The following MYO15B variants were observed in gnomAD, a reference collection of about 807,000 sequenced individuals.
MYO15B encodes myosin XVB pseudogene.
A neutral mutation model predicts 119.3 loss-of-function variants in MYO15B; 207 were observed. That is an observed-to-expected ratio of 1.73 (90% confidence interval 1.55 to 1.95). The LOEUF is 1.95. Among genes scored for constraint, MYO15B ranks in the 30% most tolerant of loss-of-function variants. The probability of loss-of-function intolerance (pLI) is 0.00; values close to 1 mark genes in which losing one functional copy is unlikely to be tolerated. For missense variants in MYO15B, 2,264 were observed against 1,203.1 expected (o/e 1.88, Z -13.04); for synonymous variants, 966 against 498.9 (o/e 1.94, Z -12.48).
At chr17:75,626,378 C>T (rs1458244797) in intron 63 of MYO15B, 29 bp from the exon 64 acceptor site, 1 of 703,010 alleles carries the variant, frequency 1.4e-6, no homozygotes, top group South Asian at 1.5e-5. Context: ...GCTGGGGAGC[C>T]CTCTTGTAAC....
At chr17:75,626,674 C>G (rs377004550) in exon 64 of MYO15B, among the ~76,000 whole-genome samples, 10 of 152,360 alleles carry the variant, frequency 6.6e-5, no homozygotes, top group African/African-American at 2.4e-4. Flanking sequence ...ACAGCCAGAC[C>G]CTCTCCAGGA....
exon 28 of MYO15B, chr17:75,613,313 C>T (rs746806060): frequency 1.5e-6 from 1 of 672,630 alleles, no homozygotes; most frequent in South Asian, 1.5e-5. Flanking sequence ...GACCAGGCCC[C>T]CAGGGGCATG....
rs1026233607 is a variant in MYO15B, at chr17:75,621,419, G to A, written c.7935+11G>A. 2.7e-5 allele frequency: 19 copies of A among 699,638 alleles called. No homozygotes were observed. Among genetic ancestry groups the A allele is most frequent in the Non-Finnish European group, 4.4e-5 (17 of 382,464 alleles). The allele number at this position is 699,638 out of a possible 1,614,324, so 43.3% of individuals were successfully genotyped here. A position where few individuals can be genotyped will look rare whatever the true frequency, so the allele number is the denominator to read the frequency against. On this transcript the variant is annotated intron_variant, in intron 51 of 63. Coordinates refer to ENST00000645453, the Ensembl canonical transcript of MYO15B. ...GTGCAGTACACCAAGGTGGGAGAGAGGCAGGGAGGGGTCTGGCCCGTAGAT... is the reference window on the plus strand; with the variant it reads ...GTGCAGTACACCAAGGTGGGAGAGAAGCAGGGAGGGGTCTGGCCCGTAGAT...
intron 6 of MYO15B, 59 bp downstream of exon 6, chr17:75,592,139 C>T: frequency 1.4e-6 from 1 of 701,716 alleles, no homozygotes; most frequent in Non-Finnish European, 2.6e-6. Context: ...GGTCCTTGGG[C>T]TGCTTCCCTG....
chr17:75,609,485 ATTT>A (rs749247022), intron 21 of MYO15B, among the ~76,000 whole-genome samples: 5 of 77,990 alleles, frequency 6.4e-5, no homozygotes, highest in Non-Finnish European at 2.4e-5. Flanking sequence ...AAGGGAAATG[ATTT>A]TTTTTTTTTT....
intron 3 of MYO15B, 47 bp downstream of exon 3, chr17:75,591,063 C>T: frequency 1.5e-6 from 1 of 676,646 alleles, no homozygotes; most frequent in Non-Finnish European, 2.7e-6. Context: ...CCCAGGCAGC[C>T]CAGTCCCTGC....
In MYO15B at chr17:75,614,368, C is replaced by T. The variant is rs901385407; in HGVS notation, c.5381+8C>T. 1 of 701,586 alleles carries T rather than the reference C, an allele frequency of 1.4e-6. No individual in the cohort carries two copies. The highest frequency in any genetic ancestry group is 2.6e-6 in the Non-Finnish European group (1 of 384,116). 43.5% of individuals were successfully genotyped at this position (701,586 alleles called of 1,614,324 possible). A position where few individuals can be genotyped will look rare whatever the true frequency, so the allele number is the denominator to read the frequency against. On this transcript the variant is annotated splice_region_variant and intron_variant, in intron 30 of 63. Coordinates refer to ENST00000645453, the Ensembl canonical transcript of MYO15B. The stretch of plus-strand genomic sequence containing the variant: ...CATCACTCCTCTTGGCTCGTAGGTG[C>T]CACCCAGCACCCCTCTCCCTGGCCT...
At chr17:75,610,211 C>T (rs2057933275) in exon 22 of MYO15B, 1 of 701,768 alleles carries the variant, frequency 1.4e-6, no homozygotes, top group Non-Finnish European at 2.6e-6. Flanking sequence ...AGCTGAACAC[C>T]ATCCTGCTGG....
chr17:75,620,109 C>T (rs914500668), intron 47 of MYO15B, 89 bp downstream of exon 47: 1 of 666,202 alleles, frequency 1.5e-6, no homozygotes, highest in Admixed American at 2.1e-5. Flanking sequence ...GGGGCAGGGG[C>T]TGGGAGTTTG....
At chr17:75,590,566 A>T (rs1197512764) in intron 1 of MYO15B, 60 bp from the exon 2 acceptor site, 2 of 292,120 alleles carry the variant, frequency 6.8e-6, no homozygotes, top group African/African-American at 4.3e-5. Flanking sequence ...GGGTGGCAGA[A>T]CTAACCCACA....
At position 75,624,277 on chromosome 17, in the gene MYO15B, G is replaced by C. The variant is rs1426850311; in HGVS notation, c.8367+8G>C. ...GAAATGAAGGCTTTCCTGGTACTGG[G>C]GGTGGCGGATGGGCATTGTGGGACA... On this transcript the variant is annotated splice_region_variant and intron_variant, in intron 56 of 63. Coordinates refer to ENST00000645453, the Ensembl canonical transcript of MYO15B. 1.4e-6 allele frequency: 1 copy of C among 702,864 alleles called. No homozygotes were observed. The highest frequency in any genetic ancestry group is 2.6e-6 in the Non-Finnish European group (1 of 384,978). 43.5% of individuals were successfully genotyped at this position (702,864 alleles called of 1,614,324 possible). A position where few individuals can be genotyped will look rare whatever the true frequency, so the allele number is the denominator to read the frequency against.
intron 13 of MYO15B, 58 bp from the exon 14 acceptor site, chr17:75,596,710 A>G (rs989824313): frequency 2.9e-6 from 2 of 678,574 alleles, no homozygotes; most frequent in Middle Eastern, 2.4e-4. Context: ...GTACTATTCT[A>G]TAAGATGGGA....
chr17:75,624,825 AC>A lies in MYO15B; in HGVS notation c.8599del (p.Gln2867ArgfsTer3), dbSNP rs1365747497. ...GAATACCTCAACAGCGTGGTAGTGG[AC>A]CAGGACGTGAGCCTGCACAGCCGGC... On this transcript the variant is annotated frameshift_variant, in exon 59 of 64. Coordinates refer to ENST00000645453, the Ensembl canonical transcript of MYO15B. LOFTEE classifies it high-confidence loss of function. 2 of 702,924 alleles carry A rather than the reference AC, an allele frequency of 2.8e-6. No individual in the cohort carries two copies. The highest frequency in any genetic ancestry group is 5.2e-6 in the Non-Finnish European group (2 of 384,976). The allele number at this position is 702,924 out of a possible 1,614,324, so 43.5% of individuals were successfully genotyped here.
At chr17:75,601,547 G>A in exon 15 of MYO15B, 1 of 703,108 alleles carries the variant, frequency 1.4e-6, no homozygotes, top group Non-Finnish European at 2.6e-6. Flanking sequence ...CATTATGCAG[G>A]GACTGTCACC....
rs567994025 is a variant in MYO15B, at chr17:75,624,614, C to T, written c.8517C>T (p.Phe2839=). The change falls in exon 58 of 64, where the codon TTC becomes TTT. Residue 2839 remains phenylalanine (F), a synonymous_variant. Transcript: ENST00000645453. Reference sequence around the variant, plus strand: ...CGGAGCCTCAGGAAGTGCAGGAATTCGCCCTCTTCCTCATCAAAGAGAAGA... The same window carrying T: ...CGGAGCCTCAGGAAGTGCAGGAATTTGCCCTCTTCCTCATCAAAGAGAAGA... 83 of 702,958 alleles carry T rather than the reference C, an allele frequency of 1.2e-4. 1 individual carries two copies. Among genetic ancestry groups the T allele is most frequent in the South Asian group, 3.6e-4 (24 of 67,594 alleles). The allele number at this position is 702,958 out of a possible 1,614,324, so 43.5% of individuals were successfully genotyped here. A position where few individuals can be genotyped will look rare whatever the true frequency, so the allele number is the denominator to read the frequency against.
chr17:75,590,175 C>T, exon 1 of MYO15B: 1 of 399,090 alleles, frequency 2.5e-6, no homozygotes, highest in Non-Finnish European at 4.4e-6. Flanking sequence ...AGGCGCCACC[C>T]TTCCCCGGTG....
chr17:75,625,751 C>T, intron 61 of MYO15B, 91 bp downstream of exon 61: 4 of 701,122 alleles, frequency 5.7e-6, no homozygotes, highest in East Asian at 5.4e-5. Flanking sequence ...TCTGCGCCTG[C>T]CCTGTCCCTC....
rs111751691 is a variant in MYO15B at position 75,606,849 on chromosome 17, T to C, written c.4292+828T>C. Reference sequence around the variant, plus strand: ...CCCAGCCCAATTTAGGCCAGACTTTTACCCTGCAGTGACTTTAGACTTCTC... The same window carrying C: ...CCCAGCCCAATTTAGGCCAGACTTTCACCCTGCAGTGACTTTAGACTTCTC... On this transcript the variant is annotated intron_variant, in intron 21 of 63. Coordinates refer to ENST00000645453, the Ensembl canonical transcript of MYO15B. 9.6e-3 allele frequency: 3,802 copies of C among 396,970 alleles called. 108 individuals carry two copies. The highest frequency in any genetic ancestry group is 0.068 in the African/African-American group (3,332 of 48,674). 24.6% of individuals were successfully genotyped at this position (396,970 alleles called of 1,614,324 possible).
chr17:75,605,598 CTCTATCACCTT>C lies in MYO15B; in HGVS notation c.4112_4122del (p.Leu1371ArgfsTer97). 1.4e-6 allele frequency: 1 copy of C among 702,948 alleles called. No homozygotes were observed. Among genetic ancestry groups the C allele is most frequent in the Non-Finnish European group, 2.6e-6 (1 of 384,998 alleles). The allele number at this position is 702,948 out of a possible 1,614,324, so 43.5% of individuals were successfully genotyped here. A position where few individuals can be genotyped will look rare whatever the true frequency, so the allele number is the denominator to read the frequency against. ...CCAGGTGCTGGGGGCCGAATCACCT[CTCTATCACCTT>C]GGAGCCACCAAGGTGGGTGTGTGTA... On this transcript the variant is annotated frameshift_variant, in exon 20 of 64. Coordinates refer to ENST00000645453, the Ensembl canonical transcript of MYO15B. LOFTEE classifies it high-confidence loss of function.
Sources: gnomAD v4.1 joint callset for allele counts (sites outside exome capture counted in the v4.1 genomes callset) on GRCh38, gnomAD v4.1.1 for gene constraint, MANE v1.5 for transcripts, NCBI Gene and HGNC (gene_info 2026-07-23, HGNC 2026-07-21) for gene names.